The following ZRANB3 variants were observed in gnomAD, a reference collection of about 807,000 sequenced individuals.
ZRANB3 encodes the protein DNA annealing helicase and endonuclease ZRANB3.
ZRANB3 carries 125 observed loss-of-function variants against 133.8 expected under a neutral mutation model. The observed-to-expected ratio is 0.93, with a 90% CI of 0.81 to 1.08. The LOEUF (loss-of-function observed/expected upper bound fraction) is 1.08, where lower values mean the gene tolerates loss of function less well. Ranked by LOEUF, ZRANB3 falls within the 50% of genes least tolerant of loss-of-function variation. The probability of loss-of-function intolerance (pLI) is 0.00; values close to 1 mark genes in which losing one functional copy is unlikely to be tolerated. For missense variants in ZRANB3, 1,229 were observed against 1,275.5 expected, an observed-to-expected ratio of 0.96 and a Z score of 0.56; for synonymous variants, 387 against 432.7, an observed-to-expected ratio of 0.89 and a Z score of 1.31.
At chr2:135,457,763 ATTGAG>A (rs764621524) in intron 2 of ZRANB3, among the ~76,000 whole-genome samples, 7 of 152,014 alleles carry the variant, frequency 4.6e-5, no homozygotes, top group Non-Finnish European at 5.9e-5. Flanking sequence ...CCATTTTTTA[ATTGAG>A]TTATCTTTTT....
At chr2:135,413,253 T>A (rs1382110945) in intron 2 of ZRANB3, among the ~76,000 whole-genome samples, 1 of 152,168 alleles carries the variant, frequency 6.6e-6, no homozygotes, top group Non-Finnish European at 1.5e-5. Context: ...AAAGATGACA[T>A]GAATAGACTA....
chr2:135,229,610 G>GC (rs1173064332), intron 13 of ZRANB3, among the ~76,000 whole-genome samples: 2 of 151,860 alleles, frequency 1.3e-5, no homozygotes, highest in Non-Finnish European at 2.9e-5. Flanking sequence ...CTCGTGATCC[G>GC]CCCGCCTCGG....
chr2:135,254,595 A>G (rs1679558793), intron 12 of ZRANB3, among the ~76,000 whole-genome samples: 1 of 152,146 alleles, frequency 6.6e-6, no homozygotes, highest in African/African-American at 2.4e-5. Context: ...ACTGAGCAAC[A>G]GAGTGAGACT....
chr2:135,268,052 C>T (rs1680329348), intron 11 of ZRANB3, among the ~76,000 whole-genome samples: 1 of 152,140 alleles, frequency 6.6e-6, no homozygotes, highest in East Asian at 1.9e-4. Context: ...AGACTTCTAG[C>T]CTCCAGAAGT....
chr2:135,476,061 G>A (rs899968806), intron 2 of ZRANB3, among the ~76,000 whole-genome samples: 37 of 151,766 alleles, frequency 2.4e-4, no homozygotes, highest in African/African-American at 9.0e-4. Context: ...CTGGACAACA[G>A]AACAAGACTC....
intron 2 of ZRANB3, among the ~76,000 whole-genome samples, chr2:135,491,619 T>C (rs1275201354): frequency 6.6e-6 from 1 of 152,150 alleles, no homozygotes; most frequent in African/African-American, 2.4e-5. Context: ...GTTCAAGCAA[T>C]TCCCCTGCCT....
At chr2:135,472,965 A>G (rs1482885083) in intron 2 of ZRANB3, among the ~76,000 whole-genome samples, 2 of 152,214 alleles carry the variant, frequency 1.3e-5, no homozygotes, top group Non-Finnish European at 2.9e-5. Flanking sequence ...ATTCACTTTC[A>G]TATTCATTCC....
At chr2:135,339,403 GA>G (rs142111677) in intron 6 of ZRANB3, among the ~76,000 whole-genome samples, 3 of 144,586 alleles carry the variant, frequency 2.1e-5, no homozygotes, top group African/African-American at 7.6e-5. Flanking sequence ...GACTCCATCT[GA>G]AAAAAAAAAC....
chr2:135,525,665 T>A (rs1404280309), intron 1 of ZRANB3, among the ~76,000 whole-genome samples: 1 of 151,986 alleles, frequency 6.6e-6, no homozygotes, highest in Non-Finnish European at 1.5e-5. Flanking sequence ...CTGGCCAACA[T>A]GGCGAAACCC....
chr2:135,260,383 C>T (rs1413513698), intron 12 of ZRANB3, among the ~76,000 whole-genome samples: 2 of 152,108 alleles, frequency 1.3e-5, no homozygotes, highest in African/African-American at 4.8e-5. Flanking sequence ...GCAAAAGTAT[C>T]TTTCCTTGTG....
chr2:135,397,457 AAAAAGAAAAG>A (rs993692574), intron 2 of ZRANB3, among the ~76,000 whole-genome samples: 9 of 151,798 alleles, frequency 5.9e-5, no homozygotes, highest in Non-Finnish European at 8.8e-5. Context: ...CAAAAAAAAA[AAAAAGAAAAG>A]AAAAGAAAAG....
chr2:135,277,267 G>T (rs11900204), intron 8 of ZRANB3, among the ~76,000 whole-genome samples: 15,871 of 152,138 alleles, frequency 0.1, 1,076 homozygotes, highest in South Asian at 0.32. Flanking sequence ...AAAAACTAAA[G>T]ATACTGCTAT....
intron 12 of ZRANB3, among the ~76,000 whole-genome samples, chr2:135,245,465 T>C (rs1197704618): frequency 1.3e-5 from 2 of 152,054 alleles, no homozygotes; most frequent in African/African-American, 4.8e-5. Context: ...TTTGTTTTGT[T>C]TTTTGAGGCA....
chr2:135,268,972 A>C lies in ZRANB3; in HGVS notation c.1376T>G (p.Leu459Trp), dbSNP rs745663718. The C allele has an allele frequency of 1.1e-5, 17 of 1,603,136 alleles. No homozygotes were observed. In the South Asian group the frequency reaches 1.6e-4, roughly 15 times the overall value. ...GTLDTLMWGM[L>W]NRKAQVTGST... ...AAATTCAAGCTTTACCTTGCGATTC[A>C]ACATTCCCCACATAAGGGTGTCTAG... The change falls in exon 11 of 21, where the codon TTG becomes TGG. Residue 459 changes from leucine (L) to tryptophan (W), a missense_variant. Physicochemically the swap from Leu to Trp is moderately conservative, Grantham distance 61. Transcript: ENST00000264159.
intron 2 of ZRANB3, among the ~76,000 whole-genome samples, chr2:135,454,866 C>G (rs540211487): frequency 2.0e-5 from 3 of 152,236 alleles, no homozygotes; most frequent in Admixed American, 2.0e-4. Flanking sequence ...ACTTCTGTAT[C>G]TTTGTAATTG....
At chr2:135,258,899 T>C (rs1047050975) in intron 12 of ZRANB3, among the ~76,000 whole-genome samples, 3 of 152,230 alleles carry the variant, frequency 2.0e-5, no homozygotes, top group Non-Finnish European at 2.9e-5. Flanking sequence ...CTGGACAATA[T>C]GCAGGAAAAA....
At position 135,227,833 on chromosome 2, in the gene ZRANB3, G is replaced by A. The variant is rs199659879; in HGVS notation, c.2137C>T (p.Leu713Phe). The change falls in exon 14 of 21, where the codon CTT becomes TTT. Residue 713 changes from leucine to phenylalanine, a missense_variant. Physicochemically the swap from Leu to Phe is conservative, Grantham distance 22 (BLOSUM62 0). Transcript: ENST00000264159. Reference protein sequence around the residue: ...ETPKIEKEDGLTSQPGNEQWK... With the variant: ...ETPKIEKEDGFTSQPGNEQWK... ...TTACCATTACCTGGCTGGGATGTAA[G>A]TCCGTCTTCTTTCTCAATTTTTGGT... 1.7e-3 allele frequency: 2,660 copies of A among 1,575,904 alleles called. 7 individuals are homozygous for A. Among genetic ancestry groups the A allele is most frequent in the Middle Eastern group, 2.7e-3 (16 of 6,012 alleles).
At chr2:135,390,664 C>T in intron 3 of ZRANB3, 138 bp downstream of exon 3, 1 of 1,276,952 alleles carries the variant, frequency 7.8e-7, no homozygotes, top group Non-Finnish European at 1.1e-6. Flanking sequence ...TCCCTCCTCA[C>T]CCTCCCATCT....
intron 12 of ZRANB3, among the ~76,000 whole-genome samples, chr2:135,243,325 C>T (rs1695630158): frequency 6.6e-6 from 1 of 152,160 alleles, no homozygotes; most frequent in Non-Finnish European, 1.5e-5. Flanking sequence ...ATCAGTCTGG[C>T]CAAGATGGTG....
Sources: allele counts gnomAD v4.1 joint callset (sites outside exome capture counted in the v4.1 genomes callset), GRCh38; gene constraint gnomAD v4.1.1; transcripts MANE v1.5; gene names NCBI Gene and HGNC (gene_info 2026-07-23, HGNC 2026-07-21).